Variants in EIF4G2 observed in about 807,000 individuals in gnomAD.
The protein encoded by EIF4G2 is eukaryotic translation initiation factor 4 gamma 2.
EIF4G2 carries 8 observed loss-of-function variants against 117.7 expected under a neutral mutation model. The observed-to-expected ratio is 0.07, with a 90% confidence interval of 0.04 to 0.12. The LOEUF is 0.12. Ranked by LOEUF, EIF4G2 falls within the 10% of genes least tolerant of loss-of-function variation. The pLI, the probability that EIF4G2 is intolerant of heterozygous loss-of-function variation, is 1.00. For missense variants in EIF4G2, 812 were observed against 1,086.2 expected (o/e 0.75, Z 3.55); for synonymous variants, 413 against 367.8 (o/e 1.12, Z -1.41).
At chr11:10,802,265 T>C (rs1162545227) in intron 12 of EIF4G2, 29 bp downstream of exon 12, 1 of 1,611,990 alleles carries the variant, frequency 6.2e-7, no homozygotes, top group South Asian at 1.1e-5. Context: ...TTTTTCAGCT[T>C]AACGCAACCA....
At chr11:10,799,448 G>A (rs145130072) in intron 19 of EIF4G2, 24 bp from the exon 20 acceptor site, 2 of 1,610,966 alleles carry the variant, frequency 1.2e-6, no homozygotes, top group African/African-American at 2.7e-5. Flanking sequence ...GGTCTTGTTA[G>A]AACCCAACAG....
rs1406186655 is a variant in EIF4G2, at chr11:10,807,242, A to C, written c.41+13T>G. The C allele has an allele frequency of 1.2e-6, 2 of 1,604,340 alleles. No individual in the cohort carries two copies. The highest frequency in any genetic ancestry group is 1.7e-6 in the Non-Finnish European group (2 of 1,177,116). On this transcript the variant is annotated intron_variant, in intron 2 of 21. Transcript: ENST00000339995. ...CTTTTCAAAAGGATTCCCCAAAATA[A>C]ATCTACAAGTACCTGAAACGAGAAG...
At position 10,808,831 on chromosome 11, in the gene EIF4G2, T is replaced by G. The variant is rs1343496545; in HGVS notation, c.-213A>C. 1 of 167,944 alleles carries G rather than the reference T, an allele frequency of 6.0e-6. No homozygotes were observed. Among genetic ancestry groups the G allele is most frequent in the Non-Finnish European group, 1.3e-5 (1 of 77,332 alleles). The allele number at this position is 167,944 out of a possible 1,614,324, so 10.4% of individuals were successfully genotyped here. A position where few individuals can be genotyped will look rare whatever the true frequency, so the allele number is the denominator to read the frequency against. On this transcript the variant is annotated 5_prime_UTR_variant, in exon 1 of 22. Transcript: ENST00000339995. ...GGGGGAGGGAAGGGGGAGGAAGGAG[T>G]CGGGGACGGCCTCAAACTCAGCTCA...
At chr11:10,807,852 G>GCATCATTAAA in intron 1 of EIF4G2, 1 of 985,754 alleles carries the variant, frequency 1.0e-6, no homozygotes, top group Non-Finnish European at 1.2e-6. Flanking sequence ...AAAGACGCGC[G>GCATCATTAAA]AGAGGGGGCC....
In EIF4G2 at chr11:10,803,243, C is replaced by A; in HGVS notation, c.865G>T (p.Glu289Ter). 1 of 1,614,028 alleles carries A rather than the reference C, an allele frequency of 6.2e-7. No homozygotes were observed. The highest frequency in any genetic ancestry group is 1.1e-5 in the South Asian group (1 of 91,056). ...AGGAAACGAATCCTTGCTGGCAATT[C>A]CTTACTTAACATCAAGGAGCACATT... is the stretch of plus-strand genomic sequence containing the variant. The change falls in exon 10 of 22, where the codon GAA (glutamate) becomes TAA (stop). Residue 289 changes from glutamate to a stop codon, truncating the protein, a stop_gained. Coordinates refer to ENST00000339995, the MANE Select transcript of EIF4G2 (RefSeq NM_001418.4). LOFTEE classifies it high-confidence loss of function. The surrounding 1 kb of genome is among the most constrained non-coding windows in gnomAD (Gnocchi z 4.0).
chr11:10,808,484 C>G, intron 1 of EIF4G2: 2 of 1,251,652 alleles, frequency 1.6e-6, no homozygotes, highest in Non-Finnish European at 2.1e-6. Context: ...CGCACGGCGG[C>G]CTGGCCAACA....
intron 16 of EIF4G2, 33 bp from the exon 17 acceptor site, chr11:10,800,680 T>G: frequency 6.2e-7 from 1 of 1,613,736 alleles, no homozygotes; most frequent in Non-Finnish European, 8.5e-7. Context: ...TAATGTATTC[T>G]CTATCTCAAA....
chr11:10,800,657 A>G lies in EIF4G2; in HGVS notation c.1645-10T>C. Reference sequence around the variant, plus strand: ...CAGTCACAACAGTTTCCTGTGAAGAACACAAGTATCTTTAATGTATTCTCT... The same window carrying G: ...CAGTCACAACAGTTTCCTGTGAAGAGCACAAGTATCTTTAATGTATTCTCT... On this transcript the variant is annotated splice_polypyrimidine_tract_variant and intron_variant, in intron 16 of 21. Coordinates refer to ENST00000339995, the MANE Select transcript of EIF4G2 (RefSeq NM_001418.4). 3 of 1,614,108 alleles carry G rather than the reference A, an allele frequency of 1.9e-6. No homozygotes were observed. The highest frequency in any genetic ancestry group is 2.5e-6 in the Non-Finnish European group (3 of 1,179,984).
Position 10,797,960 on chromosome 11 carries a change from A to C in EIF4G2, c.2659-79T>G. The C allele has an allele frequency of 7.8e-7, 1 of 1,288,508 alleles. No individual in the cohort carries two copies. The highest frequency in any genetic ancestry group is 2.3e-5 in the East Asian group (1 of 43,298). 79.8% of individuals were successfully genotyped at this position (1,288,508 alleles called of 1,614,324 possible). ...TCCAAAAAGTTTTAGGTGGTACTAC[A>C]CAGTTTTAGAATATGAAACAAGGAT... is the stretch of plus-strand genomic sequence containing the variant. On this transcript the variant is annotated intron_variant, in intron 21 of 21. Coordinates refer to ENST00000339995, the MANE Select transcript of EIF4G2 (RefSeq NM_001418.4). The surrounding 1 kb of genome is among the most constrained non-coding windows in gnomAD (Gnocchi z 4.5).
At chr11:10,806,147 C>T in intron 3 of EIF4G2, 100 bp from the exon 4 acceptor site, 1 of 1,515,726 alleles carries the variant, frequency 6.6e-7, no homozygotes, top group Non-Finnish European at 8.9e-7. Flanking sequence ...GCTTTCTCGA[C>T]TTCCCCTCCA....
At chr11:10,801,167 T>C in intron 14 of EIF4G2, 80 bp from the exon 15 acceptor site, 1 of 1,553,308 alleles carries the variant, frequency 6.4e-7, no homozygotes, top group Non-Finnish European at 8.7e-7. Flanking sequence ...TAAAATCCTA[T>C]ACAGTGACAG....
rs1425825818 is a variant in EIF4G2 at position 10,800,177 on chromosome 11, G to A, written c.2032C>T (p.Leu678Phe). Residue 678 changes from leucine (L) to phenylalanine (F), a missense_variant, in exon 18 of 22, where the codon CTT becomes TTT. By Grantham distance (22) the Leu-to-Phe change is conservative (BLOSUM62 0). Around this residue, in one of 4 missense-constraint regions of EIF4G2, gnomAD observed 571 missense variants for 642.3 expected, o/e 0.89. Transcript: ENST00000339995. ...TCTTGTAATTTAGCTAACTGCTGAA[G>A]ACAAAGTAGGAAGAGAGGAAAATGG... The A allele has an allele frequency of 6.2e-7, 1 of 1,614,186 alleles. No homozygotes were observed. The highest frequency in any genetic ancestry group is 1.7e-5 in the Admixed American group (1 of 60,022).
rs995029750 is a variant in EIF4G2, at chr11:10,804,838, G to A, written c.351+75C>T. 14 of 1,248,992 alleles carry A rather than the reference G, an allele frequency of 1.1e-5. No individual in the cohort carries two copies. In the African/African-American group the frequency reaches 1.3e-4, roughly 12 times the overall value. The allele number at this position is 1,248,992 out of a possible 1,614,324, so 77.4% of individuals were successfully genotyped here. On this transcript the variant is annotated intron_variant, in intron 5 of 21. Transcript: ENST00000339995. ...CTAAGGGTTTTAAGTAGTAATCCAA[G>A]TGTAAAAAAACACAACTTGAGTTTG...
At chr11:10,806,365 T>C in intron 3 of EIF4G2, 1 of 374,420 alleles carries the variant, frequency 2.7e-6, no homozygotes, top group South Asian at 3.1e-5. Flanking sequence ...TTTTAAGAGA[T>C]GGGGTCTTGC....
chr11:10,800,441 G>C lies in EIF4G2; in HGVS notation c.1851C>G (p.Asn617Lys), dbSNP rs775219350. 2 of 1,614,176 alleles carry C rather than the reference G, an allele frequency of 1.2e-6. No individual in the cohort carries two copies. Among genetic ancestry groups the C allele is most frequent in the Admixed American group, 3.3e-5 (2 of 60,032 alleles). Reference sequence around the variant, plus strand: ...CAGTAAAGTGTCCTACCTGCATGAAGTTGTCACTTGTGGCTATCCCTTCCT... The same window carrying C: ...CAGTAAAGTGTCCTACCTGCATGAACTTGTCACTTGTGGCTATCCCTTCCT... Residue 617 changes from asparagine (N) to lysine (K), a missense_variant, in exon 17 of 22, where the codon AAC becomes AAG. Asn to Lys is a moderately conservative substitution (Grantham distance 94). This residue lies in a region of EIF4G2 where 571 missense variants were observed against 642.3 expected (regional missense o/e 0.89). Transcript: ENST00000339995.
intron 3 of EIF4G2, 189 bp from the exon 4 acceptor site, chr11:10,806,236 T>G (rs554430274): frequency 4.1e-6 from 3 of 738,616 alleles, no homozygotes; most frequent in African/African-American, 3.5e-5. Context: ...TTAATACAGA[T>G]TGCTGGGCCC....
chr11:10,808,203 A>C, intron 1 of EIF4G2: 1 of 1,124,212 alleles, frequency 8.9e-7, no homozygotes, highest in South Asian at 1.8e-5. Flanking sequence ...CTGCTGACAA[A>C]AGGGGCAGAA....
At chr11:10,807,670 A>G in intron 1 of EIF4G2, 1 of 1,018,536 alleles carries the variant, frequency 9.8e-7, no homozygotes, top group South Asian at 4.2e-5. Flanking sequence ...CTGAGCACTG[A>G]GATCAATAGA....
Position 10,807,700 on chromosome 11 carries a change from G to T in EIF4G2, c.-86-319C>A, listed in dbSNP as rs530444924. The T allele has an allele frequency of 5.4e-5, 54 of 997,776 alleles. No individual in the cohort carries two copies. The African/African-American group carries it at 8.8e-4, about 16-fold the overall frequency. 61.8% of individuals were successfully genotyped at this position (997,776 alleles called of 1,614,324 possible). A position where few individuals can be genotyped will look rare whatever the true frequency, so the allele number is the denominator to read the frequency against. ...AATAGAAAAGTCTAACTACAGACACGAGCAACATCACGTGGAAAATGTCTG... is the reference window on the plus strand; with the variant it reads ...AATAGAAAAGTCTAACTACAGACACTAGCAACATCACGTGGAAAATGTCTG... On this transcript the variant is annotated intron_variant, in intron 1 of 21. Coordinates refer to ENST00000339995, the MANE Select transcript of EIF4G2 (RefSeq NM_001418.4).
Sources: allele counts gnomAD v4.1 joint callset, GRCh38; gene constraint gnomAD v4.1.1; regional missense constraint gnomAD v4.1.1; non-coding constraint Gnocchi (gnomAD v3.1); transcripts MANE v1.5; gene names NCBI Gene and HGNC (gene_info 2026-07-23, HGNC 2026-07-21).